Variants in RIN2 observed in about 807,000 individuals in gnomAD.
RIN2 encodes the protein RAB5 interacting protein 2.
Under a neutral mutation model 78.0 loss-of-function variants are expected in RIN2, and 36 were observed. The ratio of observed to expected loss-of-function variants is 0.46; its 90% CI spans 0.35 to 0.61. The LOEUF is 0.61. RIN2 is among the 20% of genes least tolerant of loss of function. The pLI is 0.00. For synonymous variants in RIN2, 466 were observed against 466.8 expected, an observed-to-expected ratio of 1.00 and a Z score of 0.02; for missense variants, 1,087 against 1,159.7, an observed-to-expected ratio of 0.94 and a Z score of 0.91.
chr20:19,930,480 A>G (rs1400400376), intron 3 of RIN2, among the ~76,000 whole-genome samples: 5 of 152,186 alleles, frequency 3.3e-5, no homozygotes, highest in African/African-American at 1.2e-4. Context: ...GCCCATTCTG[A>G]TGAGAATCAA....
intron 8 of RIN2, 62 bp from the exon 9 acceptor site, chr20:19,974,592 G>C: frequency 6.6e-7 from 1 of 1,513,718 alleles, no homozygotes; most frequent in Non-Finnish European, 9.0e-7. Flanking sequence ...TTTTTAATTT[G>C]TGAAGGAATG....
In RIN2 at chr20:19,996,738, G is replaced by C. The variant is rs375974979; in HGVS notation, c.2260G>C (p.Glu754Gln). ...TTCTCTGATAAAGAATTTCCAAGAA[G>C]AACAAGCAGCGCGACTGCTCAGCTC... The part of the protein sequence containing the change: ...ALSLIKNFQE[E>Q]QAARLLSSET... The change falls in exon 12 of 13, where the codon GAA becomes CAA. Residue 754 changes from glutamate (E) to glutamine (Q), a missense_variant. Around this residue, in one of 8 missense-constraint regions of RIN2, gnomAD observed 160 missense variants for 179.4 expected, o/e 0.89. Transcript: ENST00000255006. The C allele has an allele frequency of 1.2e-6, 2 of 1,613,830 alleles. No homozygotes were observed. Among genetic ancestry groups the C allele is most frequent in the Admixed American group, 3.3e-5 (2 of 59,994 alleles).
intron 4 of RIN2, among the ~76,000 whole-genome samples, chr20:19,938,185 T>G (rs753097467): frequency 4.6e-5 from 7 of 152,140 alleles, no homozygotes; most frequent in Non-Finnish European, 8.8e-5. Context: ...AGATCACACT[T>G]TGATCCCCTC....
chr20:19,797,760 T>C (rs1415984212), intron 1 of RIN2, among the ~76,000 whole-genome samples: 1 of 152,162 alleles, frequency 6.6e-6, no homozygotes, highest in Non-Finnish European at 1.5e-5. Context: ...AAAATGATGA[T>C]GATCACTAAC....
intron 2 of RIN2, among the ~76,000 whole-genome samples, chr20:19,871,135 C>G (rs984208257): frequency 6.6e-6 from 1 of 152,128 alleles, no homozygotes; most frequent in Non-Finnish European, 1.5e-5. Context: ...AAGAGAAAGA[C>G]AGGAGGGATA....
At chr20:19,851,057 A>G (rs3966681) in intron 2 of RIN2, among the ~76,000 whole-genome samples, 85,856 of 132,026 alleles carry the variant, frequency 0.65, 28,860 homozygotes, top group Non-Finnish European at 0.73. Flanking sequence ...AAGGAGAAAG[A>G]AAGGAAGGAA....
intron 6 of RIN2, among the ~76,000 whole-genome samples, chr20:19,963,641 T>G (rs1480070133): frequency 7.4e-6 from 1 of 135,418 alleles, no homozygotes; most frequent in African/African-American, 2.7e-5. Flanking sequence ...ATAAGCAAAA[T>G]AAATGAGGGT....
chr20:19,861,099 A>G (rs1186274451), intron 2 of RIN2, among the ~76,000 whole-genome samples: 2 of 152,198 alleles, frequency 1.3e-5, no homozygotes, highest in Non-Finnish European at 2.9e-5. Context: ...GGTAGAAAAT[A>G]TTCAGCAGAG....
At chr20:19,908,198 A>G (rs988219197) in intron 3 of RIN2, among the ~76,000 whole-genome samples, 2 of 152,138 alleles carry the variant, frequency 1.3e-5, no homozygotes, top group African/African-American at 4.8e-5. Context: ...GGAACTTCAG[A>G]GTTTGGACAT....
intron 2 of RIN2, chr20:19,889,116 G>A: frequency 1.0e-6 from 1 of 985,404 alleles, no homozygotes; most frequent in Non-Finnish European, 1.2e-6. Flanking sequence ...TGGGGGAGAG[G>A]CCAGCAGAGC....
intron 4 of RIN2, among the ~76,000 whole-genome samples, chr20:19,951,699 T>G (rs955540700): frequency 1.3e-5 from 2 of 152,150 alleles, no homozygotes; most frequent in Admixed American, 1.3e-4. Context: ...GAAGGTATTG[T>G]TATTTACTAT....
chr20:19,886,497 A>G (rs978770038), intron 2 of RIN2: 3 of 553,470 alleles, frequency 5.4e-6, no homozygotes, highest in Non-Finnish European at 9.6e-6. Flanking sequence ...AGCGCCGACC[A>G]ACGCGACCAG....
intron 3 of RIN2, among the ~76,000 whole-genome samples, chr20:19,916,462 T>C (rs1168756053): frequency 6.6e-6 from 1 of 151,876 alleles, no homozygotes; most frequent in African/African-American, 2.4e-5. Flanking sequence ...GTACAAGAAA[T>C]AAAAATATTA....
intron 2 of RIN2, among the ~76,000 whole-genome samples, chr20:19,868,176 T>C (rs767691576): frequency 3.9e-5 from 6 of 152,222 alleles, no homozygotes; most frequent in Non-Finnish European, 8.8e-5. Context: ...CTTTCCCATA[T>C]AAAATGAAGA....
chr20:19,869,186 G>A (rs6046387), intron 2 of RIN2, among the ~76,000 whole-genome samples: 131,761 of 152,010 alleles, frequency 0.87, 57,398 homozygotes, highest in African/African-American at 0.95. Context: ...GTCTGCGCTG[G>A]AGAGAGGGAT....
At chr20:19,791,076 C>G (rs1368147643) in intron 1 of RIN2, among the ~76,000 whole-genome samples, 1 of 152,138 alleles carries the variant, frequency 6.6e-6, no homozygotes, top group Admixed American at 6.5e-5. Flanking sequence ...TCAGATGGCC[C>G]ACAAAGAAAA....
At chr20:19,776,351 T>C (rs541882935) in intron 1 of RIN2, among the ~76,000 whole-genome samples, 1 of 152,298 alleles carries the variant, frequency 6.6e-6, no homozygotes, top group East Asian at 1.9e-4. Context: ...GAGGCTTTAT[T>C]TGCATGACAA....
intron 2 of RIN2, among the ~76,000 whole-genome samples, chr20:19,883,937 A>G (rs1243837780): frequency 6.6e-6 from 1 of 151,522 alleles, no homozygotes; most frequent in African/African-American, 2.4e-5. Flanking sequence ...GGCACTGGAC[A>G]TTGTTCCTAA....
In RIN2 at chr20:19,844,018, T is replaced by C. The variant is rs114858107; in HGVS notation, c.-37+44271T>C. The stretch of plus-strand genomic sequence containing the variant: ...AACAATCTTTAGAGTACAAATACCT[T>C]CAGTGGGGAAGAATAAATCTTTAAT... On this transcript the variant is annotated intron_variant, in intron 2 of 12. Coordinates refer to ENST00000255006, the MANE Select transcript of RIN2 (RefSeq NM_018993.4). Among the ~76,000 whole-genome samples the C allele has an allele frequency of 9.2e-3, 1,396 of 152,276 alleles. 16 individuals carry two copies. Among genetic ancestry groups the C allele is most frequent in the African/African-American group, 0.032 (1,310 of 41,552 alleles).
Sources: allele counts gnomAD v4.1 joint callset (sites outside exome capture counted in the v4.1 genomes callset), GRCh38; gene constraint gnomAD v4.1.1; regional missense constraint gnomAD v4.1.1; transcripts MANE v1.5; gene names NCBI Gene and HGNC (gene_info 2026-07-23, HGNC 2026-07-21).